The following RFX3 variants were observed in gnomAD, a reference collection of about 807,000 sequenced individuals.
The protein encoded by RFX3 is transcription factor RFX3.
A neutral mutation model predicts 98.6 loss-of-function variants in RFX3; 14 were observed. The observed-to-expected ratio is 0.14, with a 90% CI of 0.09 to 0.22. The LOEUF is 0.22. Among genes scored for constraint, RFX3 ranks in the 10% least tolerant of loss-of-function variants. The pLI is 1.00. For synonymous variants in RFX3, 383 were observed against 328.4 expected (o/e 1.17, Z -1.80); for missense variants, 639 against 926.9 (o/e 0.69, Z 4.03).
chr9:3,449,039 C>T (rs554613326), intron 1 of RFX3, among the ~76,000 whole-genome samples: 1 of 152,186 alleles, frequency 6.6e-6, no homozygotes, highest in South Asian at 2.1e-4. Flanking sequence ...TGAGTTTACC[C>T]CCAATTAGTT....
At chr9:3,265,599 G>C (rs1300212206) in intron 12 of RFX3, among the ~76,000 whole-genome samples, 5 of 152,152 alleles carry the variant, frequency 3.3e-5, no homozygotes, top group African/African-American at 1.2e-4. Context: ...AGATTAACTG[G>C]AAGCAGCATG....
intron 15 of RFX3, among the ~76,000 whole-genome samples, chr9:3,233,049 G>C (rs950420385): frequency 3.3e-5 from 5 of 152,212 alleles, no homozygotes; most frequent in African/African-American, 1.2e-4. Flanking sequence ...TATTGTTTGA[G>C]AGAAGAAATA....
At chr9:3,246,325 G>C (rs752766624) in intron 15 of RFX3, among the ~76,000 whole-genome samples, 14 of 151,944 alleles carry the variant, frequency 9.2e-5, no homozygotes, top group African/African-American at 3.4e-4. Flanking sequence ...GAATGGAGTT[G>C]GCACTATAGA....
chr9:3,369,458 T>A (rs1837565010), intron 2 of RFX3, among the ~76,000 whole-genome samples: 1 of 152,186 alleles, frequency 6.6e-6, no homozygotes, highest in Admixed American at 6.5e-5. Context: ...GTATATAAAT[T>A]TTGTCCACAA....
chr9:3,258,026 A>C (rs1822368077), intron 13 of RFX3, among the ~76,000 whole-genome samples: 1 of 152,174 alleles, frequency 6.6e-6, no homozygotes, highest in Non-Finnish European at 1.5e-5. Flanking sequence ...ATTTAAAAAA[A>C]CCTATTCACT....
chr9:3,459,120 C>T (rs193123115), intron 1 of RFX3, among the ~76,000 whole-genome samples: 29 of 152,176 alleles, frequency 1.9e-4, no homozygotes, highest in African/African-American at 6.3e-4. Context: ...TAAACTCATA[C>T]GCACCCTATC....
intron 7 of RFX3, among the ~76,000 whole-genome samples, chr9:3,286,175 G>C (rs1195264828): frequency 6.6e-6 from 1 of 151,724 alleles, no homozygotes; most frequent in Non-Finnish European, 1.5e-5. Flanking sequence ...GTGTAGTGGT[G>C]CTATGCATGA....
intron 1 of RFX3, among the ~76,000 whole-genome samples, chr9:3,415,051 T>C (rs1400708716): frequency 8.0e-6 from 1 of 124,508 alleles, no homozygotes; most frequent in Non-Finnish European, 1.6e-5. Context: ...TATATACTTA[T>C]ATATATACTC....
In RFX3 at chr9:3,486,688, C is replaced by T. The variant is rs570675544; in HGVS notation, c.-9+39059G>A. ...TTGAATATTAAACTCCGGATTCATG[C>T]TCATATCTAAAAGTACAAAATTGCT... On this transcript the variant is annotated intron_variant, in intron 1 of 16. Transcript: ENST00000617270. Among the ~76,000 whole-genome samples the T allele has an allele frequency of 2.1e-4, 32 of 152,248 alleles. 2 individuals carry two copies. In the South Asian group the frequency reaches 2.3e-3, roughly 11 times the overall value.
intron 1 of RFX3, among the ~76,000 whole-genome samples, chr9:3,449,854 C>T (rs1042798555): frequency 2.7e-5 from 4 of 146,528 alleles, no homozygotes; most frequent in African/African-American, 1.0e-4. Flanking sequence ...GGCAACTGAG[C>T]GACACCCTGT....
intron 4 of RFX3, among the ~76,000 whole-genome samples, chr9:3,303,431 C>T (rs1036809897): frequency 6.6e-6 from 1 of 151,618 alleles, no homozygotes; most frequent in Non-Finnish European, 1.5e-5. Context: ...GCCATTATAC[C>T]TATATTTTCT....
At chr9:3,330,659 A>T (rs2130888010) in intron 3 of RFX3, 142 bp from the exon 4 acceptor site, 2 of 716,620 alleles carry the variant, frequency 2.8e-6, no homozygotes, top group East Asian at 5.4e-5. Context: ...ACAAAACTTC[A>T]TTCCCAGAAA....
chr9:3,467,137 T>C lies in RFX3; in HGVS notation c.-9+58610A>G, dbSNP rs867785128. On this transcript the variant is annotated intron_variant, in intron 1 of 16. Coordinates refer to ENST00000617270, the MANE Select transcript of RFX3 (RefSeq NM_001282116.2). ...ATACATACATATATGTAAGTATATA[T>C]GTATATACATAATATATATGTATAT... is the stretch of plus-strand genomic sequence containing the variant. Among the ~76,000 whole-genome samples the C allele has an allele frequency of 5.8e-4, 83 of 142,114 alleles. 1 individual carries two copies. Among genetic ancestry groups the C allele is most frequent in the Admixed American group, 1.8e-3 (25 of 14,094 alleles). The allele number at this position is 142,114 out of a possible 152,430, so 93.2% of individuals were successfully genotyped here.
At chr9:3,514,320 T>G (rs199506957) in intron 1 of RFX3, among the ~76,000 whole-genome samples, 1 of 152,320 alleles carries the variant, frequency 6.6e-6, no homozygotes, top group East Asian at 1.9e-4. Flanking sequence ...AAGCAAAATG[T>G]AAATTAAAAT....
intron 1 of RFX3, among the ~76,000 whole-genome samples, chr9:3,501,601 G>C (rs1401768908): frequency 7.1e-6 from 1 of 141,244 alleles, no homozygotes; most frequent in East Asian, 2.0e-4. Flanking sequence ...CTTTCACCCA[G>C]GCTGGAGTGC....
chr9:3,398,914 T>TAAAAAAAA lies in RFX3; in HGVS notation c.-8-3326_-8-3319dup, dbSNP rs71324247. Among the ~76,000 whole-genome samples the TAAAAAAAA allele has an allele frequency of 1.4e-3, 93 of 67,508 alleles. 1 individual carries two copies. The highest frequency in any genetic ancestry group is 2.6e-3 in the African/African-American group (54 of 20,674). The allele number at this position is 67,508 out of a possible 152,430, so 44.3% of individuals were successfully genotyped here. A position where few individuals can be genotyped will look rare whatever the true frequency, so the allele number is the denominator to read the frequency against. ...ATGTACCCTAAAACTTAGAGTATAA[T>TAAAAAAAA]AAAAAAAAAAAAAAAAAAAAAAAAA... On this transcript the variant is annotated intron_variant, in intron 1 of 16. Transcript: ENST00000617270.
At chr9:3,227,897 C>T (rs1016176069) in intron 16 of RFX3, among the ~76,000 whole-genome samples, 7 of 152,244 alleles carry the variant, frequency 4.6e-5, no homozygotes, top group Admixed American at 4.6e-4. Context: ...TGGCGAATAG[C>T]GCCGAACCTC....
chr9:3,447,907 C>A (rs1251684236), intron 1 of RFX3, among the ~76,000 whole-genome samples: 4 of 152,098 alleles, frequency 2.6e-5, no homozygotes, highest in Non-Finnish European at 5.9e-5. Flanking sequence ...CTCTCATGAA[C>A]AATTTTAATC....
chr9:3,408,645 C>A (rs1037423682), intron 1 of RFX3, among the ~76,000 whole-genome samples: 1 of 151,962 alleles, frequency 6.6e-6, no homozygotes, highest in African/African-American at 2.4e-5. Flanking sequence ...CGCACGCACA[C>A]ATGGCCACAC....
Sources: gnomAD v4.1 joint callset for allele counts (sites outside exome capture counted in the v4.1 genomes callset) on GRCh38, gnomAD v4.1.1 for gene constraint, MANE v1.5 for transcripts, NCBI Gene and HGNC (gene_info 2026-07-23, HGNC 2026-07-21) for gene names.